Variants in TGFBR3 observed in about 807,000 individuals in gnomAD.
The protein encoded by TGFBR3 is transforming growth factor beta receptor 3, also known as transforming growth factor beta receptor type 3.
In TGFBR3, 46 loss-of-function variants were observed where a neutral mutation model predicts 87.9. The ratio of observed to expected loss-of-function variants is 0.52; its 90% CI spans 0.41 to 0.67. The LOEUF (loss-of-function observed/expected upper bound fraction) is 0.67. Ranked by LOEUF, TGFBR3 falls within the 30% of genes least tolerant of loss-of-function variation. The probability of loss-of-function intolerance (pLI) is 0.00; values close to 1 mark genes in which losing one functional copy is unlikely to be tolerated. For missense variants in TGFBR3, 866 were observed against 1,041.9 expected (o/e 0.83, Z 2.32); for synonymous variants, 381 against 391.6 (o/e 0.97, Z 0.32).
chr1:91,698,513 C>CTTT (rs35919369), intron 14 of TGFBR3, among the ~76,000 whole-genome samples: 3 of 120,732 alleles, frequency 2.5e-5, no homozygotes, highest in African/African-American at 6.2e-5. Flanking sequence ...TCAAAATATT[C>CTTT]TTTTTTTTTT....
chr1:91,874,684 G>A lies in TGFBR3; in HGVS notation c.-114+11194C>T, dbSNP rs7538897. ...GGCTAATTTTTTTTTTAGTAGAGAC[G>A]GGGTTTCACCATGCTGGCCAGGCTG... is the stretch of plus-strand genomic sequence containing the variant. On this transcript the variant is annotated intron_variant, in intron 1 of 16. Transcript: ENST00000212355. Among the ~76,000 whole-genome samples the A allele has an allele frequency of 4.5e-3, 687 of 152,004 alleles. 5 individuals carry two copies. The highest frequency in any genetic ancestry group is 0.015 in the African/African-American group (630 of 41,438).
At chr1:91,897,488 A>G (rs906195571) in intron 2 of TGFBR3, among the ~76,000 whole-genome samples, 5 of 152,230 alleles carry the variant, frequency 3.3e-5, no homozygotes, top group African/African-American at 9.6e-5. Context: ...ATATTGGTTC[A>G]TTAAGCTCAA....
chr1:91,896,638 T>A (rs1253675269), intron 2 of TGFBR3, among the ~76,000 whole-genome samples: 1 of 152,190 alleles, frequency 6.6e-6, no homozygotes, highest in Non-Finnish European at 1.5e-5. Context: ...GCCTGCTGAC[T>A]AAAGCTAGCT....
intron 16 of TGFBR3, among the ~76,000 whole-genome samples, chr1:91,695,133 T>C (rs570220695): frequency 3.1e-4 from 46 of 150,288 alleles, no homozygotes; most frequent in Non-Finnish European, 5.3e-4. Flanking sequence ...TTTCAGTTCA[T>C]GGAAATCTAT....
intron 1 of TGFBR3, among the ~76,000 whole-genome samples, chr1:91,900,204 T>C (rs1679682369): frequency 1.3e-5 from 2 of 152,122 alleles, no homozygotes; most frequent in Non-Finnish European, 2.9e-5. Flanking sequence ...AACCTCCACC[T>C]CCCAGGTTTA....
intron 4 of TGFBR3, among the ~76,000 whole-genome samples, chr1:91,749,136 T>C (rs1673448098): frequency 6.6e-6 from 1 of 152,086 alleles, no homozygotes; most frequent in African/African-American, 2.4e-5. Context: ...TTTTAATGGA[T>C]TGGGGCAGGC....
intron 1 of TGFBR3, among the ~76,000 whole-genome samples, chr1:91,874,665 T>C (rs1019110074): frequency 6.7e-6 from 1 of 149,168 alleles, no homozygotes; most frequent in Non-Finnish European, 1.5e-5. Context: ...GCCAGGCTAA[T>C]TTTTTTTTTA....
rs1342683838 is a variant in TGFBR3, at chr1:91,885,873, C to T, written c.-114+5G>A. Reference sequence around the variant, plus strand: ...GCAGCGCCGCGGGGCTGGGCCGGCACGTACCTCGGAGGCGGTGTGTCCAGC... The same window carrying T: ...GCAGCGCCGCGGGGCTGGGCCGGCATGTACCTCGGAGGCGGTGTGTCCAGC... On this transcript the variant is annotated splice_donor_5th_base_variant and intron_variant, in intron 1 of 16. Coordinates refer to ENST00000212355, the MANE Select transcript of TGFBR3 (RefSeq NM_003243.5). The T allele has an allele frequency of 5.4e-6, 2 of 371,998 alleles. No individual in the cohort carries two copies. Among genetic ancestry groups the T allele is most frequent in the Non-Finnish European group, 1.1e-5 (2 of 185,264 alleles). The allele number at this position is 371,998 out of a possible 1,614,324, so 23.0% of individuals were successfully genotyped here.
chr1:91,793,476 G>A lies in TGFBR3; in HGVS notation c.246+3811C>T, dbSNP rs191617018. 1.4e-4 allele frequency among the ~76,000 whole-genome samples: 21 copies of A among 152,064 alleles called. No homozygotes were observed. In the East Asian group the frequency reaches 3.5e-3, roughly 25 times the overall value. On this transcript the variant is annotated intron_variant, in intron 3 of 16. Coordinates refer to ENST00000212355, the MANE Select transcript of TGFBR3 (RefSeq NM_003243.5). ...ATTGTTTTGCTAATTTGTAAGTAACGGCACTTATTTCATTTTGAAAAATAT... is the reference window on the plus strand; with the variant it reads ...ATTGTTTTGCTAATTTGTAAGTAACAGCACTTATTTCATTTTGAAAAATAT...
chr1:91,709,350 T>C (rs1465370631), intron 13 of TGFBR3, among the ~76,000 whole-genome samples: 3 of 152,222 alleles, frequency 2.0e-5, no homozygotes, highest in Non-Finnish European at 4.4e-5. Context: ...GGAAAAATCA[T>C]GTAACACAAA....
intron 4 of TGFBR3, among the ~76,000 whole-genome samples, chr1:91,746,776 A>G (rs1673364762): frequency 6.6e-6 from 1 of 152,098 alleles, no homozygotes; most frequent in Non-Finnish European, 1.5e-5. Flanking sequence ...TTTACAGAGA[A>G]GGAAATTGAA....
chr1:91,728,563 C>T (rs1672629250), intron 6 of TGFBR3, among the ~76,000 whole-genome samples: 1 of 152,076 alleles, frequency 6.6e-6, no homozygotes, highest in South Asian at 2.1e-4. Flanking sequence ...TCTTTCTTTC[C>T]ATCTCAGCTT....
rs187379893 is a variant in TGFBR3, at chr1:91,688,820, C to T, written c.2438-4963G>A. ...GTAGCTCGGGAGGTGCCAATGTGTT[C>T]AGAGGCCTGAGGTTTCTCCAGGTTC... On this transcript the variant is annotated intron_variant, in intron 16 of 16. Coordinates refer to ENST00000212355, the MANE Select transcript of TGFBR3 (RefSeq NM_003243.5). 4.6e-5 allele frequency among the ~76,000 whole-genome samples: 7 copies of T among 152,086 alleles called. No individual in the cohort carries two copies. The East Asian group carries it at 1.4e-3, about 30-fold the overall frequency.
intron 1 of TGFBR3, among the ~76,000 whole-genome samples, chr1:91,865,054 T>C (rs188511129): frequency 2.6e-4 from 39 of 151,642 alleles, no homozygotes; most frequent in Non-Finnish European, 1.6e-4. Flanking sequence ...AATACAAAAG[T>C]TAGCCAGGCG....
At chr1:91,822,609 T>C (rs1676489842) in intron 2 of TGFBR3, among the ~76,000 whole-genome samples, 1 of 152,156 alleles carries the variant, frequency 6.6e-6, no homozygotes, top group Non-Finnish European at 1.5e-5. Flanking sequence ...TTATCTCCCT[T>C]ACAGGGCCAT....
intron 2 of TGFBR3, among the ~76,000 whole-genome samples, chr1:91,853,735 CG>C (rs1222106844): frequency 6.6e-6 from 1 of 152,096 alleles, no homozygotes; most frequent in African/African-American, 2.4e-5. Flanking sequence ...AACTCATGGC[CG>C]GGAGCGGTGG....
At chr1:91,752,868 A>G in intron 4 of TGFBR3, among the ~76,000 whole-genome samples, 1 of 151,810 alleles carries the variant, frequency 6.6e-6, no homozygotes, top group Non-Finnish European at 1.5e-5. Flanking sequence ...ACAAAAAAAA[A>G]AGTCAAAAAT....
At position 91,852,491 on chromosome 1, in the gene TGFBR3, C is replaced by T. The variant is rs191736882; in HGVS notation, c.61+8980G>A. 3.9e-3 allele frequency among the ~76,000 whole-genome samples: 598 copies of T among 152,332 alleles called. 13 individuals carry two copies. The highest frequency in any genetic ancestry group is 6.8e-3 in the Middle Eastern group (2 of 294). The stretch of plus-strand genomic sequence containing the variant: ...AATGGAGAAGGTAGGTGGGGAGGTG[C>T]TTCATCACACTTGGCTGTGCACAAT... On this transcript the variant is annotated intron_variant, in intron 2 of 16. Coordinates refer to ENST00000212355, the MANE Select transcript of TGFBR3 (RefSeq NM_003243.5).
chr1:91,813,686 A>C (rs1676104214), intron 2 of TGFBR3, among the ~76,000 whole-genome samples: 1 of 152,214 alleles, frequency 6.6e-6, no homozygotes, highest in African/African-American at 2.4e-5. Flanking sequence ...CACAGAGTCC[A>C]GGGCAGGCTG....
Sources: allele counts gnomAD v4.1 joint callset (sites outside exome capture counted in the v4.1 genomes callset), GRCh38; gene constraint gnomAD v4.1.1; transcripts MANE v1.5; gene names NCBI Gene and HGNC (gene_info 2026-07-23, HGNC 2026-07-21).